The following MS4A4A variants were observed in gnomAD, a reference collection of about 807,000 sequenced individuals.
The protein encoded by MS4A4A is membrane-spanning 4-domains subfamily A member 4A.
Under a neutral mutation model 28.0 loss-of-function variants are expected in MS4A4A, and 26 were observed. The ratio of observed to expected loss-of-function variants is 0.93; its 90% confidence interval spans 0.68 to 1.29. The LOEUF (loss-of-function observed/expected upper bound fraction) is 1.29, where lower values mean the gene tolerates loss of function less well. Among genes scored for constraint, MS4A4A ranks in the 50% most tolerant of loss-of-function variants. The probability of loss-of-function intolerance (pLI) is 0.00; values close to 1 mark genes in which losing one functional copy is unlikely to be tolerated. For missense variants in MS4A4A, 290 were observed against 293.1 expected (o/e 0.99, Z 0.08); for synonymous variants, 86 against 100.8 (o/e 0.85, Z 0.88).
chr11:60,299,838 C>T (rs1204687907), intron 3 of MS4A4A, among the ~76,000 whole-genome samples: 1 of 152,140 alleles, frequency 6.6e-6, no homozygotes, highest in South Asian at 2.1e-4. Context: ...AGCCTATCAA[C>T]ACTGTAAACA....
intron 2 of MS4A4A, among the ~76,000 whole-genome samples, chr11:60,296,562 G>C (rs555689117): frequency 6.6e-6 from 1 of 152,022 alleles, no homozygotes; most frequent in Non-Finnish European, 1.5e-5. Flanking sequence ...AGACTCTCAG[G>C]AGATTGATTT....
chr11:60,299,903 G>T (rs995070991), intron 3 of MS4A4A, among the ~76,000 whole-genome samples: 5 of 152,058 alleles, frequency 3.3e-5, no homozygotes, highest in Non-Finnish European at 7.4e-5. Context: ...GTGTAAATTA[G>T]AATATTTCAA....
rs1019363281 is a variant in MS4A4A, at chr11:60,308,393, T to C, written c.*215T>C. 1.5e-5 allele frequency: 7 copies of C among 476,458 alleles called. No individual in the cohort carries two copies. The highest frequency in any genetic ancestry group is 2.2e-5 in the Non-Finnish European group (6 of 271,832). The allele number at this position is 476,458 out of a possible 1,614,324, so 29.5% of individuals were successfully genotyped here. A position where few individuals can be genotyped will look rare whatever the true frequency, so the allele number is the denominator to read the frequency against. ...TTTTCCCTGGAACTCAATAACTCATTTCACTGGCTCTTTATCGAGAGTACT... is the reference window on the plus strand; with the variant it reads ...TTTTCCCTGGAACTCAATAACTCATCTCACTGGCTCTTTATCGAGAGTACT... On this transcript the variant is annotated 3_prime_UTR_variant, in exon 7 of 7. Coordinates refer to ENST00000337908, the MANE Select transcript of MS4A4A (RefSeq NM_148975.3).
rs1334636175 is a variant in MS4A4A, at chr11:60,299,807, T to A, written c.331-1194T>A. Reference sequence around the variant, plus strand: ...AGTAATGTTGCAGTTACTAATAATGTTGAATTGTATTAAATGTCCTAGCCT... The same window carrying A: ...AGTAATGTTGCAGTTACTAATAATGATGAATTGTATTAAATGTCCTAGCCT... On this transcript the variant is annotated intron_variant, in intron 3 of 6. Transcript: ENST00000337908. Among the ~76,000 whole-genome samples the A allele has an allele frequency of 2.0e-5, 3 of 152,344 alleles. No individual in the cohort carries two copies. The East Asian group carries it at 5.8e-4, about 29-fold the overall frequency.
intron 1 of MS4A4A, among the ~76,000 whole-genome samples, chr11:60,285,863 A>T (rs1790663693): frequency 1.3e-5 from 2 of 152,180 alleles, no homozygotes; most frequent in South Asian, 4.1e-4. Context: ...ATTGATAAAC[A>T]TCTTAACAGG....
intron 5 of MS4A4A, among the ~76,000 whole-genome samples, chr11:60,303,528 T>C (rs1253246480): frequency 6.6e-6 from 1 of 152,062 alleles, no homozygotes; most frequent in Non-Finnish European, 1.5e-5. Flanking sequence ...GCCAACATGA[T>C]GAAGCCCCGT....
Position 60,301,060 on chromosome 11 carries a change from G to A in MS4A4A, c.387+3G>A. ...GAATTAGAACTACAAAAGGCCTGGT[G>A]AGTAATATTTTCTTTTTTTGGTATC... On this transcript the variant is annotated splice_donor_region_variant and intron_variant, in intron 4 of 6. Coordinates refer to ENST00000337908, the MANE Select transcript of MS4A4A (RefSeq NM_148975.3). 1 of 1,586,116 alleles carries A rather than the reference G, an allele frequency of 6.3e-7. No individual in the cohort carries two copies. Among genetic ancestry groups the A allele is most frequent in the Non-Finnish European group, 8.6e-7 (1 of 1,167,932 alleles).
At chr11:60,291,709 A>C (rs147271022) in intron 1 of MS4A4A, among the ~76,000 whole-genome samples, 1 of 150,864 alleles carries the variant, frequency 6.6e-6, no homozygotes, top group South Asian at 2.1e-4. Context: ...GAGGCAGGAG[A>C]ATCGTTTGAA....
At chr11:60,290,212 C>G (rs773981022) in intron 1 of MS4A4A, 2 of 326,876 alleles carry the variant, frequency 6.1e-6, no homozygotes, top group Non-Finnish European at 1.3e-5. Flanking sequence ...CAGTTATCAA[C>G]TGATGTATTT....
chr11:60,282,569 G>A (rs1285541996), intron 1 of MS4A4A: 21 of 1,281,114 alleles, frequency 1.6e-5, no homozygotes, highest in Non-Finnish European at 2.1e-5. Flanking sequence ...AGATGATGTG[G>A]TGGGTTTGTT....
intron 2 of MS4A4A, among the ~76,000 whole-genome samples, 153 bp downstream of exon 2, chr11:60,292,537 A>G (rs769227879): frequency 5.3e-5 from 8 of 152,228 alleles, no homozygotes; most frequent in Non-Finnish European, 1.0e-4. Flanking sequence ...CTGAAAAACT[A>G]TATAGTATTC....
In MS4A4A at chr11:60,302,596, T is replaced by C. The variant is rs1048073045; in HGVS notation, c.425T>C (p.Val142Ala). ...CTAGGAATGAATATCACCAGCTCTG[T>C]ACTGGCTGCATCAGGGATCTTAATC... ...GSLGMNITSSVLAASGILINT... is the reference protein window; with the variant it reads ...GSLGMNITSSALAASGILINT... The change falls in exon 5 of 7, where the codon GTA becomes GCA. Residue 142 changes from valine (V) to alanine (A), a missense_variant. Physicochemically the swap from Val to Ala is moderately conservative, Grantham distance 64. Coordinates refer to ENST00000337908, the MANE Select transcript of MS4A4A (RefSeq NM_148975.3). 6 of 1,614,102 alleles carry C rather than the reference T, an allele frequency of 3.7e-6. No individual in the cohort carries two copies. The highest frequency in any genetic ancestry group is 2.7e-5 in the African/African-American group (2 of 74,948).
chr11:60,288,378 C>T (rs1327659923), intron 1 of MS4A4A, among the ~76,000 whole-genome samples: 1 of 152,160 alleles, frequency 6.6e-6, no homozygotes, highest in Non-Finnish European at 1.5e-5. Flanking sequence ...ACTACTGTGG[C>T]ACAGGTTCAC....
chr11:60,290,129 G>A, intron 1 of MS4A4A: 1 of 440,706 alleles, frequency 2.3e-6, no homozygotes, highest in South Asian at 1.6e-5. Flanking sequence ...TTCTAAATAT[G>A]TGTCTTTTTG....
At chr11:60,286,648 C>G (rs923350713) in intron 1 of MS4A4A, among the ~76,000 whole-genome samples, 3 of 152,190 alleles carry the variant, frequency 2.0e-5, no homozygotes, top group Non-Finnish European at 4.4e-5. Context: ...TTCTTTGCCT[C>G]TTTTGACAGT....
chr11:60,293,418 C>G (rs886429955), intron 2 of MS4A4A, among the ~76,000 whole-genome samples: 1 of 152,172 alleles, frequency 6.6e-6, no homozygotes, highest in East Asian at 1.9e-4. Context: ...AAGTACAGAT[C>G]TATCCCATAT....
rs75890338 is a variant in MS4A4A, at chr11:60,284,668, A to C, written c.41+3952A>C. 1.9e-3 allele frequency among the ~76,000 whole-genome samples: 282 copies of C among 152,252 alleles called. 6 individuals carry two copies. The East Asian group carries it at 0.035, about 19-fold the overall frequency. ...CTAGAGGCTCTCCTCTTCCTCTTGC[A>C]GTCTCTGTTCTAATGATAATGGAGT... On this transcript the variant is annotated intron_variant, in intron 1 of 6. Transcript: ENST00000337908.
intron 5 of MS4A4A, 178 bp from the exon 6 acceptor site, chr11:60,305,922 A>G (rs2084995567): frequency 1.7e-6 from 1 of 583,176 alleles, no homozygotes; most frequent in African/African-American, 1.9e-5. Flanking sequence ...TTATCAGTGA[A>G]AAAAGTGAGA....
Position 60,284,638 on chromosome 11 carries a change from C to T in MS4A4A, c.41+3922C>T, listed in dbSNP as rs372451557. Among the ~76,000 whole-genome samples, 7 of 152,134 alleles carry T rather than the reference C, an allele frequency of 4.6e-5. No individual in the cohort carries two copies. In the South Asian group the frequency reaches 6.2e-4, roughly 14 times the overall value. Reference sequence around the variant, plus strand: ...AGTTAGATACAAGACTATGCAGAGGCGGGCCTAGAGGCTCTCCTCTTCCTC... The same window carrying T: ...AGTTAGATACAAGACTATGCAGAGGTGGGCCTAGAGGCTCTCCTCTTCCTC... On this transcript the variant is annotated intron_variant, in intron 1 of 6. Transcript: ENST00000337908.
Sources: gnomAD v4.1 joint callset for allele counts (sites outside exome capture counted in the v4.1 genomes callset) on GRCh38, gnomAD v4.1.1 for gene constraint, MANE v1.5 for transcripts, NCBI Gene and HGNC (gene_info 2026-07-23, HGNC 2026-07-21) for gene names.